CRKL: variants seen among roughly 807,000 people sequenced by gnomAD.
The protein encoded by CRKL is CRK like proto-oncogene, adaptor protein, also known as crk-like protein.
In CRKL, 3 loss-of-function variants were observed where a neutral mutation model predicts 23.0. The ratio of observed to expected loss-of-function variants is 0.13; its 90% CI spans 0.06 to 0.34. The LOEUF (loss-of-function observed/expected upper bound fraction) is 0.34. CRKL is among the 10% of genes least tolerant of loss of function. The pLI, the probability that CRKL is intolerant of heterozygous loss-of-function variation, is 1.00. For synonymous variants in CRKL, 188 were observed against 160.7 expected, an observed-to-expected ratio of 1.17 and a Z score of -1.28; for missense variants, 256 against 394.5, an observed-to-expected ratio of 0.65 and a Z score of 2.97.
chr22:20,952,225 C>T lies in CRKL; in HGVS notation c.*2380C>T, dbSNP rs112867627. 1.1e-3 allele frequency: 241 copies of T among 228,738 alleles called. 4 individuals are homozygous for T. Among genetic ancestry groups the T allele is most frequent in the African/African-American group, 5.1e-3 (224 of 43,906 alleles). The allele number at this position is 228,738 out of a possible 1,614,324, so 14.2% of individuals were successfully genotyped here. On this transcript the variant is annotated 3_prime_UTR_variant, in exon 3 of 3. Transcript: ENST00000354336. ...GAATTACAGCAGTTGACTCAGAGTG[C>T]AAGAAGTCTGGCCATTTTGGAAAGC... is the stretch of plus-strand genomic sequence containing the variant.
At chr22:20,923,150 G>C (rs1054063726) in intron 1 of CRKL, among the ~76,000 whole-genome samples, 1 of 152,034 alleles carries the variant, frequency 6.6e-6, no homozygotes, top group Non-Finnish European at 1.5e-5. Context: ...AAAGGAAGTT[G>C]GCCCTTCAAG....
At chr22:20,936,764 T>G (rs1569135627) in intron 2 of CRKL, among the ~76,000 whole-genome samples, 2 of 152,160 alleles carry the variant, frequency 1.3e-5, no homozygotes, top group Non-Finnish European at 2.9e-5. Context: ...AAAGGAGCAT[T>G]TGAGGCTGTG....
chr22:20,930,195 T>G (rs1679531043), intron 1 of CRKL, among the ~76,000 whole-genome samples: 1 of 152,148 alleles, frequency 6.6e-6, no homozygotes, highest in African/African-American at 2.4e-5. Context: ...GCAAGGAAGT[T>G]GAAAAGCACA....
chr22:20,944,795 C>T (rs554762698), intron 2 of CRKL, among the ~76,000 whole-genome samples: 4 of 152,004 alleles, frequency 2.6e-5, no homozygotes, highest in African/African-American at 4.8e-5. Flanking sequence ...GCTCCATTGC[C>T]CAGGCTAGAG....
At chr22:20,924,450 G>GGA (rs1601673968) in intron 1 of CRKL, among the ~76,000 whole-genome samples, 1 of 152,168 alleles carries the variant, frequency 6.6e-6, no homozygotes, top group East Asian at 1.9e-4. Context: ...TTTGGAATGG[G>GGA]GAAAGGATTG....
chr22:20,939,019 T>G (rs1339037975), intron 2 of CRKL, among the ~76,000 whole-genome samples: 3 of 152,196 alleles, frequency 2.0e-5, no homozygotes, highest in African/African-American at 7.2e-5. Context: ...TATTGATACC[T>G]TAGGTCATTT....
intron 2 of CRKL, among the ~76,000 whole-genome samples, chr22:20,947,918 A>C (rs1922127155): frequency 6.6e-6 from 1 of 151,760 alleles, no homozygotes; most frequent in South Asian, 2.1e-4. Context: ...TCCTGGGCTC[A>C]AGTGATCCAC....
At chr22:20,942,451 G>A (rs146306133) in intron 2 of CRKL, among the ~76,000 whole-genome samples, 160 of 152,260 alleles carry the variant, frequency 1.1e-3, no homozygotes, top group African/African-American at 3.8e-3. Context: ...TATATATCAC[G>A]TTTTGTTAAT....
chr22:20,931,553 C>T (rs982776477), intron 1 of CRKL, among the ~76,000 whole-genome samples: 1 of 152,162 alleles, frequency 6.6e-6, no homozygotes, highest in Admixed American at 6.6e-5. Context: ...CTGACAGATG[C>T]AGGGTTCGTC....
At chr22:20,946,624 A>G (rs1922064729) in intron 2 of CRKL, among the ~76,000 whole-genome samples, 1 of 152,102 alleles carries the variant, frequency 6.6e-6, no homozygotes, top group South Asian at 2.1e-4. Flanking sequence ...ATCTACCCAC[A>G]TCAAGATTGG....
rs2147904504 is a variant in CRKL, at chr22:20,933,799, G to C, written c.332G>C (p.Gly111Ala). Reference protein sequence around the residue: ...PAPRYPSPPMGSVSAPNLPTA... With the variant: ...PAPRYPSPPMASVSAPNLPTA... Reference sequence around the variant, plus strand: ...TTAAGGTATCCAAGCCCACCAATGGGATCTGTCTCAGCACCCAACCTGCCT... The same window carrying C: ...TTAAGGTATCCAAGCCCACCAATGGCATCTGTCTCAGCACCCAACCTGCCT... The change falls in exon 2 of 3, where the codon GGA (glycine) becomes GCA (alanine). Residue 111 changes from glycine to alanine, a missense_variant. This residue lies in a region of CRKL where 42 missense variants were observed against 32.7 expected (regional missense o/e 1.29). Transcript: ENST00000354336. The C allele has an allele frequency of 6.2e-7, 1 of 1,613,398 alleles. No homozygotes were observed. Among genetic ancestry groups the C allele is most frequent in the Non-Finnish European group, 8.5e-7 (1 of 1,179,466 alleles).
At position 20,950,935 on chromosome 22, in the gene CRKL, G is replaced by A. The variant is rs1052740300; in HGVS notation, c.*1090G>A. On this transcript the variant is annotated 3_prime_UTR_variant, in exon 3 of 3. Transcript: ENST00000354336. ...AAATAATGCAGTTGTGGTGTGCCAT[G>A]CTATGTGCACAGCCCCTTGGATTAC... The A allele has an allele frequency of 4.3e-6, 1 of 232,290 alleles. No homozygotes were observed. The highest frequency in any genetic ancestry group is 8.5e-6 in the Non-Finnish European group (1 of 117,524). The allele number at this position is 232,290 out of a possible 1,614,324, so 14.4% of individuals were successfully genotyped here.
At chr22:20,929,330 A>T (rs5761382) in intron 1 of CRKL, among the ~76,000 whole-genome samples, 17,128 of 151,264 alleles carry the variant, frequency 0.11, 982 homozygotes, top group African/African-American at 0.13. Context: ...ACGCTCAGCT[A>T]ATTTTTTTGT....
Position 20,918,294 on chromosome 22 carries a change from T to G in CRKL, c.311+49T>G, listed in dbSNP as rs748534759. 10 of 1,584,264 alleles carry G rather than the reference T, an allele frequency of 6.3e-6. No homozygotes were observed. In the Admixed American group the frequency reaches 1.8e-4, roughly 28 times the overall value. On this transcript the variant is annotated intron_variant, in intron 1 of 2. Transcript: ENST00000354336. ...GCGGAGGAAGGTCGAGAACCGGGTC[T>G]GTCGAAGAGTGCTTGTATAGGGGGG...
intron 1 of CRKL, among the ~76,000 whole-genome samples, chr22:20,927,589 T>A (rs1921271787): frequency 6.7e-6 from 1 of 148,246 alleles, no homozygotes; most frequent in Admixed American, 6.8e-5. Flanking sequence ...ACGCCTGTAA[T>A]CTCAGCACAT....
At chr22:20,944,322 C>T (rs1176880535) in intron 2 of CRKL, among the ~76,000 whole-genome samples, 1 of 151,670 alleles carries the variant, frequency 6.6e-6, no homozygotes, top group Admixed American at 6.6e-5. Flanking sequence ...TCTTTCCATC[C>T]ATTAACACAA....
intron 2 of CRKL, among the ~76,000 whole-genome samples, chr22:20,940,260 G>A (rs902034439): frequency 6.6e-5 from 10 of 152,076 alleles, no homozygotes; most frequent in Non-Finnish European, 8.8e-5. Context: ...TTGATCTGGC[G>A]TGACTTGTTC....
At chr22:20,937,009 C>T (rs548550667) in intron 2 of CRKL, among the ~76,000 whole-genome samples, 16 of 152,152 alleles carry the variant, frequency 1.1e-4, no homozygotes, top group African/African-American at 3.4e-4. Context: ...TACAGGTGCC[C>T]GCCACCATAC....
intron 2 of CRKL, among the ~76,000 whole-genome samples, chr22:20,948,323 A>G (rs1922145201): frequency 6.6e-6 from 1 of 151,962 alleles, no homozygotes; most frequent in African/African-American, 2.4e-5. Context: ...ATTGGTTTTG[A>G]GAGGACCCTT....
Sources: allele counts gnomAD v4.1 joint callset (sites outside exome capture counted in the v4.1 genomes callset), GRCh38; gene constraint gnomAD v4.1.1; regional missense constraint gnomAD v4.1.1; transcripts MANE v1.5; gene names NCBI Gene and HGNC (gene_info 2026-07-23, HGNC 2026-07-21).